GABRB1: variants seen among roughly 807,000 people sequenced by gnomAD.
GABRB1 encodes gamma-aminobutyric acid type A receptor subunit beta1.
Under a neutral mutation model 51.6 loss-of-function variants are expected in GABRB1, and 17 were observed. That is an observed-to-expected ratio of 0.33 (90% confidence interval 0.23 to 0.49). The LOEUF is 0.49. Ranked by LOEUF, GABRB1 falls within the 20% of genes least tolerant of loss-of-function variation. GABRB1 has a pLI of 0.99. For missense variants in GABRB1, 410 were observed against 600.6 expected (o/e 0.68, Z 3.32); for synonymous variants, 247 against 218.9 (o/e 1.13, Z -1.14).
In GABRB1 at chr4:47,090,724, T is replaced by G. The variant is rs1218602357; in HGVS notation, c.240+58240T>G. Among the ~76,000 whole-genome samples, 7 of 152,274 alleles carry G rather than the reference T, an allele frequency of 4.6e-5. No individual in the cohort carries two copies. In the East Asian group the frequency reaches 1.4e-3, roughly 29 times the overall value. ...ACCTACTACATTAAAGGTGTGGACA[T>G]CAGAAAGGCGAGTGTCGATGGACTA... is the stretch of plus-strand genomic sequence containing the variant. On this transcript the variant is annotated intron_variant, in intron 3 of 8. Coordinates refer to ENST00000295454, the MANE Select transcript of GABRB1 (RefSeq NM_000812.4).
chr4:47,260,744 C>CA (rs1191769210), intron 4 of GABRB1, among the ~76,000 whole-genome samples: 2 of 151,848 alleles, frequency 1.3e-5, no homozygotes, highest in South Asian at 4.2e-4. Flanking sequence ...GAGACACAAC[C>CA]AAAAAAGAGA....
In GABRB1 at chr4:47,001,740, A is replaced by G. The variant is rs115587045; in HGVS notation, c.-20+7814A>G. 1.3e-3 allele frequency among the ~76,000 whole-genome samples: 204 copies of G among 152,342 alleles called. 1 individual carries two copies. Among genetic ancestry groups the G allele is most frequent in the Middle Eastern group, 0.01 (3 of 294 alleles). ...TGAGTCAATTCCTTAAAATTTCTACAGATAGAATAATCTATACTCTATCGG... is the reference window on the plus strand; with the variant it reads ...TGAGTCAATTCCTTAAAATTTCTACGGATAGAATAATCTATACTCTATCGG... On this transcript the variant is annotated intron_variant, in intron 1 of 3. Transcript: ENST00000513567.
rs190593209 is a variant in GABRB1 at position 47,423,752 on chromosome 4, G to T, written c.1081-1922G>T. 1.3e-3 allele frequency among the ~76,000 whole-genome samples: 199 copies of T among 152,184 alleles called. 1 individual carries two copies. The highest frequency in any genetic ancestry group is 2.6e-3 in the Non-Finnish European group (179 of 67,984). On this transcript the variant is annotated intron_variant, in intron 8 of 8. Coordinates refer to ENST00000295454, the MANE Select transcript of GABRB1 (RefSeq NM_000812.4). ...AATATTCTGTTTTAATCCCAAATTT[G>T]GTACTTGTTGTTTAATCTTATTGTT... is the stretch of plus-strand genomic sequence containing the variant.
At chr4:47,142,015 T>A (rs1264713750) in intron 3 of GABRB1, among the ~76,000 whole-genome samples, 1 of 151,938 alleles carries the variant, frequency 6.6e-6, no homozygotes, top group African/African-American at 2.4e-5. Flanking sequence ...CTAGGAAGCA[T>A]CAGTGAATAA....
At chr4:47,256,171 C>T (rs936295863) in intron 4 of GABRB1, among the ~76,000 whole-genome samples, 2 of 152,062 alleles carry the variant, frequency 1.3e-5, no homozygotes, top group Non-Finnish European at 2.9e-5. Context: ...ACAGGACTTG[C>T]TGATGTATTT....
intron 3 of GABRB1, among the ~76,000 whole-genome samples, chr4:47,097,039 C>A (rs1184079638): frequency 1.3e-5 from 2 of 152,204 alleles, no homozygotes; most frequent in Non-Finnish European, 2.9e-5. Context: ...TTCTTCCGCC[C>A]TTGATTGCCT....
intron 4 of GABRB1, among the ~76,000 whole-genome samples, chr4:47,174,601 AT>A (rs1314889236): frequency 7.2e-6 from 1 of 139,472 alleles, no homozygotes; most frequent in Non-Finnish European, 1.6e-5. Context: ...TCCCCAACTT[AT>A]AATCATTTGA....
chr4:47,203,762 C>G (rs577378848), intron 4 of GABRB1, among the ~76,000 whole-genome samples: 1 of 152,156 alleles, frequency 6.6e-6, no homozygotes, highest in South Asian at 2.1e-4. Flanking sequence ...CTCATCCCAT[C>G]GAGACATCAC....
chr4:47,242,572 C>T (rs748730204), intron 4 of GABRB1, among the ~76,000 whole-genome samples: 2 of 152,098 alleles, frequency 1.3e-5, no homozygotes, highest in African/African-American at 4.8e-5. Flanking sequence ...TTTTAATAAT[C>T]GCTATTCTAA....
At chr4:47,219,469 T>C (rs1024141159) in intron 4 of GABRB1, among the ~76,000 whole-genome samples, 1 of 151,938 alleles carries the variant, frequency 6.6e-6, no homozygotes, top group Non-Finnish European at 1.5e-5. Context: ...AACCTGCTTC[T>C]ATTTGTTGTC....
chr4:47,030,591 A>G (rs1049392674), upstream of GABRB1, among the ~76,000 whole-genome samples: 7 of 152,228 alleles, frequency 4.6e-5, no homozygotes, highest in African/African-American at 1.4e-4. Flanking sequence ...AATATATACT[A>G]TTTAACAAAA....
rs531947113 is a variant in GABRB1, at chr4:47,111,424, A to G, written c.241-49825A>G. Among the ~76,000 whole-genome samples, 401 of 149,660 alleles carry G rather than the reference A, an allele frequency of 2.7e-3. 1 individual carries two copies. The highest frequency in any genetic ancestry group is 9.4e-3 in the African/African-American group (388 of 41,332). On this transcript the variant is annotated intron_variant, in intron 3 of 8. Coordinates refer to ENST00000295454, the MANE Select transcript of GABRB1 (RefSeq NM_000812.4). ...TAAATCCATATCTATATCTATATAT[A>G]TGAATTTATATTATATATATGGATT...
chr4:47,127,854 A>T (rs1404764295), intron 3 of GABRB1, among the ~76,000 whole-genome samples: 1 of 151,900 alleles, frequency 6.6e-6, no homozygotes, highest in Non-Finnish European at 1.5e-5. Context: ...CCACTTAAAA[A>T]GTTAATTGAA....
chr4:47,134,190 C>G (rs1180915176), intron 3 of GABRB1, among the ~76,000 whole-genome samples: 2 of 152,082 alleles, frequency 1.3e-5, no homozygotes, highest in Non-Finnish European at 2.9e-5. Flanking sequence ...AATTAGTTGT[C>G]TCTAGTTGTA....
intron 3 of GABRB1, among the ~76,000 whole-genome samples, chr4:47,118,666 G>T (rs1450815803): frequency 3.3e-5 from 5 of 152,038 alleles, no homozygotes; most frequent in Non-Finnish European, 7.4e-5. Flanking sequence ...GATGATTATT[G>T]AACTAGTAGC....
At chr4:47,170,286 C>A (rs1230349280) in intron 4 of GABRB1, among the ~76,000 whole-genome samples, 1 of 151,686 alleles carries the variant, frequency 6.6e-6, no homozygotes, top group Non-Finnish European at 1.5e-5. Flanking sequence ...ACGAGTTTTT[C>A]ACTATTCCTT....
intron 3 of GABRB1, among the ~76,000 whole-genome samples, chr4:47,072,808 T>C (rs1190755378): frequency 6.6e-6 from 1 of 152,186 alleles, no homozygotes; most frequent in Non-Finnish European, 1.5e-5. Context: ...TTTATGTTGG[T>C]ACTAATTTAA....
chr4:47,322,804 C>T (rs1347063216), intron 5 of GABRB1, among the ~76,000 whole-genome samples: 2 of 152,078 alleles, frequency 1.3e-5, no homozygotes, highest in Non-Finnish European at 2.9e-5. Flanking sequence ...AACCCCATCT[C>T]TACTAAAAAT....
intron 8 of GABRB1, among the ~76,000 whole-genome samples, chr4:47,417,113 A>G (rs1728951742): frequency 6.6e-6 from 1 of 152,138 alleles, no homozygotes; most frequent in Non-Finnish European, 1.5e-5. Flanking sequence ...TTTGCTCTCA[A>G]TGCTTTCAAT....
Sources: gnomAD v4.1 joint callset for allele counts (sites outside exome capture counted in the v4.1 genomes callset) on GRCh38, gnomAD v4.1.1 for gene constraint, MANE v1.5 for transcripts, NCBI Gene and HGNC (gene_info 2026-07-23, HGNC 2026-07-21) for gene names.